The following ATP10B variants were observed in gnomAD, a reference collection of about 807,000 sequenced individuals.
ATP10B encodes phospholipid-transporting ATPase VB.
A neutral mutation model predicts 141.2 loss-of-function variants in ATP10B; 122 were observed. That is an observed-to-expected ratio of 0.86 (90% confidence interval 0.75 to 1.00). The LOEUF (loss-of-function observed/expected upper bound fraction) is 1.00. ATP10B is among the 50% of genes least tolerant of loss of function. The probability of loss-of-function intolerance (pLI) is 0.00; values close to 1 mark genes in which losing one functional copy is unlikely to be tolerated. For missense variants in ATP10B, 1,876 were observed against 1,825.3 expected (o/e 1.03, Z -0.51); for synonymous variants, 685 against 692.0 (o/e 0.99, Z 0.16).
intron 1 of ATP10B, among the ~76,000 whole-genome samples, chr5:160,848,814 G>A (rs962997496): frequency 1.8e-4 from 28 of 152,186 alleles, no homozygotes; most frequent in African/African-American, 6.8e-4. Flanking sequence ...ATGTGATCTA[G>A]CTATTTGATA....
intron 2 of ATP10B, among the ~76,000 whole-genome samples, chr5:160,771,503 A>G (rs1769900654): frequency 6.6e-6 from 1 of 152,214 alleles, no homozygotes; most frequent in Non-Finnish European, 1.5e-5. Context: ...TGTCCCTTTT[A>G]TAAAAGGTAT....
chr5:160,593,084 G>A (rs1446974767), intron 22 of ATP10B, among the ~76,000 whole-genome samples: 1 of 152,230 alleles, frequency 6.6e-6, no homozygotes, highest in African/African-American at 2.4e-5. Flanking sequence ...GCACGCAGCT[G>A]GAGATCTGAG....
At chr5:160,817,651 T>C (rs1773750669) in intron 1 of ATP10B, among the ~76,000 whole-genome samples, 1 of 152,144 alleles carries the variant, frequency 6.6e-6, no homozygotes. Context: ...AAAACTACTT[T>C]AAAGTTCATA....
intron 2 of ATP10B, among the ~76,000 whole-genome samples, chr5:160,727,304 C>A (rs1766431334): frequency 6.6e-6 from 1 of 152,314 alleles, no homozygotes; most frequent in South Asian, 2.1e-4. Flanking sequence ...AAAACTGAGG[C>A]TTACAGGCAT....
chr5:160,744,395 T>C (rs1010526032), intron 2 of ATP10B, among the ~76,000 whole-genome samples: 2 of 152,050 alleles, frequency 1.3e-5, no homozygotes, highest in Non-Finnish European at 2.9e-5. Context: ...GCAGACAAGG[T>C]TGTTTCTATC....
Position 160,688,870 on chromosome 5 carries a change from C to T in ATP10B, c.-131G>A, listed in dbSNP as rs1459739070. On this transcript the variant is annotated 5_prime_UTR_variant, in exon 4 of 26. Coordinates refer to ENST00000327245, the MANE Select transcript of ATP10B (RefSeq NM_025153.3). ...GCTGTGCTACTGTCCAGTCAGCTGG[C>T]TTTTCTTAATCTAGATGGCTGGAGT... The T allele has an allele frequency of 1.5e-5, 15 of 985,292 alleles. No individual in the cohort carries two copies. The highest frequency in any genetic ancestry group is 4.7e-5 in the South Asian group (1 of 21,282). The allele number at this position is 985,292 out of a possible 1,614,324, so 61.0% of individuals were successfully genotyped here.
chr5:160,872,682 T>C, the ATP10B span, among the ~76,000 whole-genome samples: 2 of 152,224 alleles, frequency 1.3e-5, no homozygotes, highest in Non-Finnish European at 2.9e-5. Context: ...ATCAGTTGGC[T>C]GTAAGTATTT....
At chr5:160,909,046 A>T in the ATP10B span, among the ~76,000 whole-genome samples, 1 of 152,170 alleles carries the variant, frequency 6.6e-6, no homozygotes. Context: ...TGAATGGTGG[A>T]TGTAACAGAT....
chr5:160,686,274 C>A lies in ATP10B; in HGVS notation c.276-1G>T. 1.3e-6 allele frequency: 2 copies of A among 1,574,186 alleles called. No individual in the cohort carries two copies. Among genetic ancestry groups the A allele is most frequent in the South Asian group, 1.2e-5 (1 of 85,828 alleles). On this transcript the variant is annotated splice_acceptor_variant, in intron 5 of 25. Coordinates refer to ENST00000327245, the MANE Select transcript of ATP10B (RefSeq NM_025153.3). LOFTEE classifies it high-confidence loss of function. ...GAACAGGAAATAGAGGTTAGCCCATCTGGAGGGGCAAGCGAAGTGTGAATA... is the reference window on the plus strand; with the variant it reads ...GAACAGGAAATAGAGGTTAGCCCATATGGAGGGGCAAGCGAAGTGTGAATA...
At chr5:160,665,164 AG>A (rs2127718769) in intron 7 of ATP10B, among the ~76,000 whole-genome samples, 1 of 152,346 alleles carries the variant, frequency 6.6e-6, no homozygotes, top group East Asian at 1.9e-4. Context: ...AAAAAAAAGT[AG>A]ATTTAGTCCA....
Position 160,565,496 on chromosome 5 carries a change from T to A in ATP10B, c.4343A>T (p.Lys1448Met), listed in dbSNP as rs1426062870. The A allele has an allele frequency of 6.2e-7, 1 of 1,614,118 alleles. No homozygotes were observed. Among genetic ancestry groups the A allele is most frequent in the South Asian group, 1.1e-5 (1 of 91,080 alleles). Residue 1448 changes from lysine (K) to methionine (M), a missense_variant, in exon 26 of 26, where the codon AAG (lysine) becomes ATG (methionine). Physicochemically the swap from Lys to Met is moderately conservative, Grantham distance 95. Coordinates refer to ENST00000327245, the MANE Select transcript of ATP10B (RefSeq NM_025153.3). The part of the protein sequence containing the change: ...RGQTDMCRCS[K>M]RSSHRRSQSS... The stretch of plus-strand genomic sequence containing the variant: ...CTGGGATCGGCGATGGCTGCTCCTC[T>A]TTGAGCACCGGCACATATCAGTCTG...
At chr5:160,614,846 C>T (rs1366046315) in intron 17 of ATP10B, among the ~76,000 whole-genome samples, 1 of 152,206 alleles carries the variant, frequency 6.6e-6, no homozygotes, top group Non-Finnish European at 1.5e-5. Context: ...ACTTGGTCCT[C>T]ATCCCCAGGT....
intron 2 of ATP10B, among the ~76,000 whole-genome samples, chr5:160,751,469 A>G (rs892074242): frequency 1.8e-4 from 28 of 152,310 alleles, no homozygotes; most frequent in African/African-American, 6.0e-4. Context: ...TGCCATGGAA[A>G]CTGATAGCGG....
chr5:160,613,076 C>A, intron 17 of ATP10B, 151 bp from the exon 18 acceptor site: 1 of 678,016 alleles, frequency 1.5e-6, no homozygotes, highest in East Asian at 2.8e-5. Context: ...CTAGATGGAG[C>A]AGGTCTCTAC....
chr5:160,700,879 C>T (rs2127760582), intron 3 of ATP10B, among the ~76,000 whole-genome samples: 1 of 152,280 alleles, frequency 6.6e-6, no homozygotes, highest in African/African-American at 2.4e-5. Flanking sequence ...CCTACATCTG[C>T]ACTTGCCCCC....
intron 12 of ATP10B, chr5:160,633,941 T>C: frequency 2.9e-6 from 1 of 345,332 alleles, no homozygotes; most frequent in East Asian, 7.5e-5. Flanking sequence ...ATGTATTAAA[T>C]CTGACCATGC....
intron 13 of ATP10B, among the ~76,000 whole-genome samples, chr5:160,631,778 G>T (rs1758954337): frequency 6.6e-6 from 1 of 152,220 alleles, no homozygotes; most frequent in Admixed American, 6.5e-5. Flanking sequence ...GCTGTGATGA[G>T]CTGAAGATGG....
chr5:160,813,468 G>A (rs1561882063), intron 1 of ATP10B, among the ~76,000 whole-genome samples: 1 of 152,208 alleles, frequency 6.6e-6, no homozygotes, highest in East Asian at 1.9e-4. Flanking sequence ...GCTTGAGTAG[G>A]TAAACAAAGC....
At chr5:160,800,837 A>G (rs1402464896) in intron 1 of ATP10B, among the ~76,000 whole-genome samples, 1 of 152,216 alleles carries the variant, frequency 6.6e-6, no homozygotes, top group Non-Finnish European at 1.5e-5. Flanking sequence ...TAAAACATCC[A>G]TACTTCAAGG....
Sources: gnomAD v4.1 joint callset for allele counts (sites outside exome capture counted in the v4.1 genomes callset) on GRCh38, gnomAD v4.1.1 for gene constraint, MANE v1.5 for transcripts, NCBI Gene and HGNC (gene_info 2026-07-23, HGNC 2026-07-21) for gene names.